RGL1: variants seen among roughly 807,000 people sequenced by gnomAD.
RGL1 encodes the protein ral guanine nucleotide dissociation stimulator like 1.
A neutral mutation model predicts 95.2 loss-of-function variants in RGL1; 24 were observed. That is an observed-to-expected ratio of 0.25 (90% CI 0.18 to 0.35). The LOEUF is 0.35. Ranked by LOEUF, RGL1 falls within the 10% of genes least tolerant of loss-of-function variation. The probability of loss-of-function intolerance (pLI) is 1.00; values close to 1 mark genes in which losing one functional copy is unlikely to be tolerated. For missense variants in RGL1, 715 were observed against 936.3 expected (o/e 0.76, Z 3.08); for synonymous variants, 329 against 344.9 (o/e 0.95, Z 0.51).
chr1:183,734,063 T>G (rs531965198), intron 1 of RGL1, among the ~76,000 whole-genome samples: 1 of 152,230 alleles, frequency 6.6e-6, no homozygotes, highest in Non-Finnish European at 1.5e-5. Flanking sequence ...AAGTAAAAGA[T>G]TGAGAACAGA....
At chr1:183,754,029 G>A (rs185408603) in intron 2 of RGL1, among the ~76,000 whole-genome samples, 18 of 151,850 alleles carry the variant, frequency 1.2e-4, no homozygotes, top group African/African-American at 3.4e-4. Flanking sequence ...CACTACCAAC[G>A]GGAAACTACT....
At chr1:183,848,992 T>C (rs905214057) in intron 3 of RGL1, among the ~76,000 whole-genome samples, 1 of 152,234 alleles carries the variant, frequency 6.6e-6, no homozygotes, top group Non-Finnish European at 1.5e-5. Flanking sequence ...ATATATGATA[T>C]GTTTATATAT....
At position 183,774,153 on chromosome 1, in the gene RGL1, G is replaced by T. The variant is rs74882180; in HGVS notation, c.132+31864G>T. Among the ~76,000 whole-genome samples, 3 of 152,244 alleles carry T rather than the reference G, an allele frequency of 2.0e-5. No individual in the cohort carries two copies. The East Asian group carries it at 5.8e-4, about 29-fold the overall frequency. ...AGTAATCCTTTTGGACAGGGAACAT[G>T]GTGTCTTCCATTTTCTGAAGGGATG... On this transcript the variant is annotated intron_variant, in intron 2 of 18. Coordinates refer to the RGL1 transcript ENST00000304685.
At chr1:183,657,581 G>A (rs1244930934) in intron 1 of RGL1, among the ~76,000 whole-genome samples, 1 of 151,520 alleles carries the variant, frequency 6.6e-6, no homozygotes, top group African/African-American at 2.4e-5. Context: ...GAGAATGATG[G>A]TTTCCAGTTT....
At chr1:183,909,393 A>G (rs1668521467) in intron 14 of RGL1, among the ~76,000 whole-genome samples, 1 of 152,200 alleles carries the variant, frequency 6.6e-6, no homozygotes, top group South Asian at 2.1e-4. Flanking sequence ...ACAAAGCAGG[A>G]CCTTACTGAA....
In RGL1 at chr1:183,636,691, G is replaced by T. The variant is rs1262596447; in HGVS notation, c.-33+190G>T. On this transcript the variant is annotated intron_variant, in intron 1 of 18. Coordinates refer to the RGL1 transcript ENST00000304685. ...CTCTAGTGCTGGGGGAAAACAAAATGTGGAAGGATTGGTGGAAACCAGACC... is the reference window on the plus strand; with the variant it reads ...CTCTAGTGCTGGGGGAAAACAAAATTTGGAAGGATTGGTGGAAACCAGACC... 3.9e-5 allele frequency among the ~76,000 whole-genome samples: 6 copies of T among 152,264 alleles called. No individual in the cohort carries two copies. In the East Asian group the frequency reaches 9.6e-4, roughly 24 times the overall value.
intron 1 of RGL1, among the ~76,000 whole-genome samples, chr1:183,676,527 T>A (rs1652838894): frequency 6.6e-6 from 1 of 151,930 alleles, no homozygotes; most frequent in Admixed American, 6.5e-5. Context: ...CTAGTTTGTA[T>A]GAAAAATTGG....
At chr1:183,787,680 C>A (rs553310525) in intron 2 of RGL1, among the ~76,000 whole-genome samples, 1 of 152,036 alleles carries the variant, frequency 6.6e-6, no homozygotes, top group African/African-American at 2.4e-5. Context: ...AAATTTGATC[C>A]CTAGTGTTGG....
At chr1:183,865,484 A>G (rs868823810) in intron 3 of RGL1, among the ~76,000 whole-genome samples, 4 of 152,186 alleles carry the variant, frequency 2.6e-5, no homozygotes, top group Middle Eastern at 3.4e-3. Flanking sequence ...TATTTCCATA[A>G]TCCCTCTACA....
intron 2 of RGL1, among the ~76,000 whole-genome samples, chr1:183,758,850 C>T (rs1488624536): frequency 6.6e-6 from 1 of 152,164 alleles, no homozygotes; most frequent in Non-Finnish European, 1.5e-5. Context: ...AAATGGTGCC[C>T]TTAACTCCAT....
In RGL1 at chr1:183,883,738, A is replaced by G. The variant is rs759419696; in HGVS notation, c.611-48A>G. The G allele has an allele frequency of 1.1e-5, 18 of 1,607,862 alleles. No homozygotes were observed. In the African/African-American group the frequency reaches 2.3e-4, roughly 20 times the overall value. ...AAAGTCTGATGACTCTATAAGCAAG[A>G]TTATATACACTGGCGCCAAATTACT... On this transcript the variant is annotated intron_variant, in intron 5 of 17. Transcript: ENST00000360851.
intron 2 of RGL1, among the ~76,000 whole-genome samples, chr1:183,776,675 C>G (rs998662738): frequency 5.3e-5 from 8 of 152,092 alleles, no homozygotes; most frequent in African/African-American, 1.9e-4. Context: ...ATACTAGAGA[C>G]TACAGGGAAT....
intron 1 of RGL1, among the ~76,000 whole-genome samples, chr1:183,715,203 T>C (rs781576733): frequency 6.6e-6 from 1 of 152,124 alleles, no homozygotes; most frequent in Non-Finnish European, 1.5e-5. Context: ...GAAAAGAAAA[T>C]GTTTGGATGA....
chr1:183,754,470 G>A (rs1211412850), intron 2 of RGL1: 1 of 152,142 alleles, frequency 6.6e-6, no homozygotes, highest in African/African-American at 2.4e-5. Flanking sequence ...TCCAATTTAG[G>A]TGTTTCTGGT....
intron 1 of RGL1, among the ~76,000 whole-genome samples, chr1:183,681,460 T>G (rs1653206243): frequency 6.6e-6 from 1 of 152,208 alleles, no homozygotes; most frequent in Non-Finnish European, 1.5e-5. Context: ...TGGTTCTGTT[T>G]ATGTGGTGGC....
chr1:183,814,836 C>T (rs1661975526), intron 2 of RGL1, among the ~76,000 whole-genome samples: 6 of 152,200 alleles, frequency 3.9e-5, no homozygotes, highest in Admixed American at 3.9e-4. Flanking sequence ...TAACTTCTGT[C>T]ACTAATGGTG....
intron 2 of RGL1, among the ~76,000 whole-genome samples, chr1:183,755,794 G>C (rs1234907158): frequency 6.6e-6 from 1 of 152,040 alleles, no homozygotes; most frequent in Non-Finnish European, 1.5e-5. Flanking sequence ...CGAGAGCTTA[G>C]AGCATGTAAT....
At chr1:183,656,503 A>G (rs1210040593) in intron 1 of RGL1, among the ~76,000 whole-genome samples, 1 of 152,226 alleles carries the variant, frequency 6.6e-6, no homozygotes, top group Non-Finnish European at 1.5e-5. Flanking sequence ...AAGGCAGCCA[A>G]CTGTTCAAAC....
intron 2 of RGL1, among the ~76,000 whole-genome samples, chr1:183,776,215 C>G (rs1328724056): frequency 1.5e-5 from 2 of 135,804 alleles, no homozygotes; most frequent in Non-Finnish European, 3.0e-5. Context: ...GTGGCGCGAT[C>G]TCGGCTCACT....
Sources: gnomAD v4.1 joint callset for allele counts (sites outside exome capture counted in the v4.1 genomes callset) on GRCh38, gnomAD v4.1.1 for gene constraint, MANE v1.5 for transcripts, NCBI Gene and HGNC (gene_info 2026-07-23, HGNC 2026-07-21) for gene names.